The following SPNS3 variants were observed in gnomAD, a reference collection of about 807,000 sequenced individuals.
SPNS3 encodes protein spinster homolog 3.
Under a neutral mutation model 54.4 loss-of-function variants are expected in SPNS3, and 51 were observed. That is an observed-to-expected ratio of 0.94 (90% CI 0.75 to 1.18). The LOEUF is 1.18. Among genes scored for constraint, SPNS3 ranks in the 50% most tolerant of loss-of-function variants. The pLI, the probability that SPNS3 is intolerant of heterozygous loss-of-function variation, is 0.00. For missense variants in SPNS3, 669 were observed against 677.4 expected (o/e 0.99, Z 0.14); for synonymous variants, 309 against 294.7 (o/e 1.05, Z -0.50).
At position 4,448,380 on chromosome 17, in the gene SPNS3, C is replaced by T. The variant is rs565815972; in HGVS notation, c.770+77C>T. ...CCCAGCATCATTGACCCCCTCTCTCCACCTCCAGGGAGCCCTCCCTGGTTG... is the reference window on the plus strand; with the variant it reads ...CCCAGCATCATTGACCCCCTCTCTCTACCTCCAGGGAGCCCTCCCTGGTTG... On this transcript the variant is annotated intron_variant, in intron 6 of 11. Transcript: ENST00000355530. The T allele has an allele frequency of 6.6e-5, 91 of 1,368,494 alleles. No individual in the cohort carries two copies. In the East Asian group the frequency reaches 2.2e-3, roughly 33 times the overall value. The allele number at this position is 1,368,494 out of a possible 1,614,324, so 84.8% of individuals were successfully genotyped here.
At chr17:4,461,849 T>C (rs932106143) in intron 8 of SPNS3, among the ~76,000 whole-genome samples, 1 of 152,128 alleles carries the variant, frequency 6.6e-6, no homozygotes, top group East Asian at 1.9e-4. Context: ...CTTGGTTTTA[T>C]ACATTCTGAG....
At chr17:4,469,225 A>G (rs1971789781) in intron 8 of SPNS3, among the ~76,000 whole-genome samples, 2 of 151,954 alleles carry the variant, frequency 1.3e-5, no homozygotes, top group African/African-American at 4.8e-5. Context: ...AGCTGGGACT[A>G]CAGGTGTGAG....
intron 1 of SPNS3, among the ~76,000 whole-genome samples, chr17:4,435,846 C>T (rs1030191367): frequency 3.9e-5 from 6 of 152,138 alleles, no homozygotes; most frequent in Admixed American, 6.5e-5. Flanking sequence ...GCAGGACAGT[C>T]GCTTGAACCC....
intron 1 of SPNS3, among the ~76,000 whole-genome samples, chr17:4,435,998 A>G (rs1405825264): frequency 1.3e-5 from 2 of 149,170 alleles, no homozygotes; most frequent in African/African-American, 5.0e-5. Flanking sequence ...CTTGTCATTC[A>G]TTCATTCAAG....
chr17:4,464,009 G>A (rs919263475), intron 8 of SPNS3, among the ~76,000 whole-genome samples: 1 of 152,176 alleles, frequency 6.6e-6, no homozygotes, highest in Non-Finnish European at 1.5e-5. Context: ...TTTTGTGCCT[G>A]TAACTGCATT....
At chr17:4,460,700 C>T (rs1031938983) in intron 8 of SPNS3, among the ~76,000 whole-genome samples, 5 of 151,916 alleles carry the variant, frequency 3.3e-5, no homozygotes, top group Middle Eastern at 3.4e-3. Flanking sequence ...CCTCAACCTC[C>T]GAAAGTGCTG....
chr17:4,435,655 GACA>G (rs1970696896), intron 1 of SPNS3, among the ~76,000 whole-genome samples: 1 of 151,846 alleles, frequency 6.6e-6, no homozygotes, highest in Admixed American at 6.6e-5. Flanking sequence ...GTGTTTCTAG[GACA>G]ACAGGCTGCT....
intron 8 of SPNS3, among the ~76,000 whole-genome samples, chr17:4,474,166 A>G (rs1971928489): frequency 6.6e-6 from 1 of 152,142 alleles, no homozygotes; most frequent in Non-Finnish European, 1.5e-5. Context: ...GGAGGACGCA[A>G]AGGTTTTGCT....
At chr17:4,460,115 G>T (rs750403727) in intron 8 of SPNS3, among the ~76,000 whole-genome samples, 7 of 152,132 alleles carry the variant, frequency 4.6e-5, no homozygotes, top group African/African-American at 7.2e-5. Context: ...GTACCCGATG[G>T]GTTTGAATAA....
At chr17:4,464,913 T>C (rs1971637570) in intron 8 of SPNS3, among the ~76,000 whole-genome samples, 2 of 152,164 alleles carry the variant, frequency 1.3e-5, no homozygotes, top group Non-Finnish European at 2.9e-5. Context: ...ACTCCTGACC[T>C]CAGGTGATCC....
At chr17:4,462,140 T>C (rs7502585) in intron 8 of SPNS3, among the ~76,000 whole-genome samples, 11,080 of 14,110 alleles carry the variant, frequency 0.79, 4,133 homozygotes, top group South Asian at 0.85. Context: ...CATCCATCCA[T>C]CCATCCATCC....
chr17:4,469,134 G>C (rs769209867), intron 8 of SPNS3, among the ~76,000 whole-genome samples: 1 of 151,576 alleles, frequency 6.6e-6, no homozygotes, highest in Non-Finnish European at 1.5e-5. Flanking sequence ...ACCCAGGCTG[G>C]AGTGCACTGG....
intron 8 of SPNS3, among the ~76,000 whole-genome samples, chr17:4,458,689 CCCTT>C (rs1971414868): frequency 6.8e-6 from 1 of 146,126 alleles, no homozygotes; most frequent in Non-Finnish European, 1.5e-5. Flanking sequence ...TCTTTTCCTT[CCCTT>C]CCTTCCTTCC....
At chr17:4,454,031 T>C (rs755155213) in intron 8 of SPNS3, among the ~76,000 whole-genome samples, 12 of 152,178 alleles carry the variant, frequency 7.9e-5, no homozygotes, top group Non-Finnish European at 1.8e-4. Context: ...AGTTCCTCTT[T>C]TGTGCATCCT....
chr17:4,439,790 G>GCACAGAACA, intron 2 of SPNS3, 67 bp downstream of exon 2: 1 of 1,440,624 alleles, frequency 6.9e-7, no homozygotes, highest in Non-Finnish European at 9.6e-7. Flanking sequence ...CTTTCTGTGG[G>GCACAGAACA]TCATGTTCTG....
chr17:4,477,259 G>A (rs1972028092), intron 8 of SPNS3, among the ~76,000 whole-genome samples: 1 of 152,200 alleles, frequency 6.6e-6, no homozygotes, highest in Admixed American at 6.5e-5. Context: ...CTGCCTTACA[G>A]GGCACCTGAC....
chr17:4,446,832 G>T, intron 4 of SPNS3, 64 bp from the exon 5 acceptor site: 1 of 1,503,914 alleles, frequency 6.6e-7, no homozygotes, highest in Non-Finnish European at 9.2e-7. Context: ...GGTCAGGCTG[G>T]TGGTGGGGTC....
intron 8 of SPNS3, among the ~76,000 whole-genome samples, chr17:4,475,036 G>T (rs7212563): frequency 0.86 from 130,931 of 152,106 alleles, 56,719 homozygotes; most frequent in East Asian, 1. Flanking sequence ...TGGGCATGTT[G>T]GCGCGGCCGC....
intron 7 of SPNS3, among the ~76,000 whole-genome samples, chr17:4,451,448 A>G (rs980149302): frequency 1.3e-5 from 2 of 151,888 alleles, no homozygotes; most frequent in Non-Finnish European, 2.9e-5. Flanking sequence ...GAATTTAGAG[A>G]ATTCTCAGTC....
Sources: gnomAD v4.1 joint callset for allele counts (sites outside exome capture counted in the v4.1 genomes callset) on GRCh38, gnomAD v4.1.1 for gene constraint, MANE v1.5 for transcripts, NCBI Gene and HGNC (gene_info 2026-07-23, HGNC 2026-07-21) for gene names.